The following GALNT13 variants were observed in gnomAD, a reference collection of about 807,000 sequenced individuals.
GALNT13 encodes UDP-GalNAc:polypeptide N-acetylgalactosaminyltransferase 13.
A neutral mutation model predicts 64.2 loss-of-function variants in GALNT13; 28 were observed. The ratio of observed to expected loss-of-function variants is 0.44; its 90% CI spans 0.32 to 0.60. The LOEUF (loss-of-function observed/expected upper bound fraction) is 0.60, where lower values mean the gene tolerates loss of function less well. Among genes scored for constraint, GALNT13 ranks in the 20% least tolerant of loss-of-function variants. The pLI, the probability that GALNT13 is intolerant of heterozygous loss-of-function variation, is 0.05. For missense variants in GALNT13, 577 were observed against 669.8 expected, an observed-to-expected ratio of 0.86 and a Z score of 1.53; for synonymous variants, 214 against 224.6, an observed-to-expected ratio of 0.95 and a Z score of 0.42.
At chr2:154,030,007 A>G (rs1029873053) in intron 3 of GALNT13, among the ~76,000 whole-genome samples, 11 of 152,178 alleles carry the variant, frequency 7.2e-5, no homozygotes, top group African/African-American at 2.4e-4. Flanking sequence ...GAGGTAGAAT[A>G]GTGTATTTGC....
chr2:154,252,171 G>A (rs954118478), intron 7 of GALNT13, among the ~76,000 whole-genome samples: 10 of 151,698 alleles, frequency 6.6e-5, no homozygotes, highest in Middle Eastern at 3.4e-3. Context: ...TTGATTATTT[G>A]CCAAGTAAGA....
At chr2:153,455,828 CTA>C in the GALNT13 span, among the ~76,000 whole-genome samples, 1 of 152,020 alleles carries the variant, frequency 6.6e-6, no homozygotes, top group African/African-American at 2.4e-5. Context: ...GAGCTCTTGC[CTA>C]GTGTCCAAAA....
the GALNT13 span, among the ~76,000 whole-genome samples, chr2:153,137,931 C>T: frequency 6.6e-6 from 1 of 151,962 alleles, no homozygotes; most frequent in Non-Finnish European, 1.5e-5. Context: ...TCAACCAAAC[C>T]TCCTTGATTC....
chr2:153,877,365 G>C (rs1279100754), intron 1 of GALNT13, among the ~76,000 whole-genome samples: 1 of 152,126 alleles, frequency 6.6e-6, no homozygotes, highest in Non-Finnish European at 1.5e-5. Context: ...TAGGAAGAGT[G>C]TGATTAATCT....
At chr2:153,091,760 A>G in the GALNT13 span, among the ~76,000 whole-genome samples, 1 of 152,154 alleles carries the variant, frequency 6.6e-6, no homozygotes, top group Admixed American at 6.6e-5. Flanking sequence ...TCAGATGGGT[A>G]GTTTGCAAAT....
At chr2:153,688,995 T>TGTGTGG in the GALNT13 span, among the ~76,000 whole-genome samples, 1 of 37,444 alleles carries the variant, frequency 2.7e-5, no homozygotes, top group African/African-American at 6.6e-5. Context: ...GGTAGGGGTG[T>TGTGTGG]GTGTGTGTGT....
chr2:153,597,828 A>G, the GALNT13 span, among the ~76,000 whole-genome samples: 1 of 152,110 alleles, frequency 6.6e-6, no homozygotes, highest in Admixed American at 6.6e-5. Flanking sequence ...GCCAATAGGC[A>G]CATGGAAAGA....
chr2:153,537,053 G>A, the GALNT13 span, among the ~76,000 whole-genome samples: 7 of 152,156 alleles, frequency 4.6e-5, no homozygotes, highest in African/African-American at 1.7e-4. Context: ...CAAAGGATTA[G>A]TAGGCTTTAG....
chr2:154,325,921 A>C (rs7576163), intron 9 of GALNT13, among the ~76,000 whole-genome samples: 17,556 of 152,098 alleles, frequency 0.12, 1,621 homozygotes, highest in East Asian at 0.5. Context: ...GGAACTTATT[A>C]GACCCACACT....
At chr2:153,276,286 A>C in the GALNT13 span, among the ~76,000 whole-genome samples, 126,231 of 152,038 alleles carry the variant, frequency 0.83, 53,653 homozygotes, top group African/African-American at 0.93. Flanking sequence ...TCATTTACTA[A>C]ATTTATCAAA....
At chr2:153,213,145 A>G in the GALNT13 span, among the ~76,000 whole-genome samples, 1 of 152,178 alleles carries the variant, frequency 6.6e-6, no homozygotes, top group African/African-American at 2.4e-5. Flanking sequence ...CCACATAAGA[A>G]CCCTGGAACT....
intron 9 of GALNT13, among the ~76,000 whole-genome samples, chr2:154,361,483 G>A (rs1374079499): frequency 6.6e-6 from 1 of 151,988 alleles, no homozygotes; most frequent in Non-Finnish European, 1.5e-5. Context: ...AGACTGTCCT[G>A]GATTGAAATC....
the GALNT13 span, among the ~76,000 whole-genome samples, chr2:153,733,706 G>A: frequency 2.0e-5 from 3 of 152,138 alleles, no homozygotes; most frequent in African/African-American, 7.2e-5. Context: ...AATGGTTATT[G>A]GCAGTAACGT....
chr2:153,473,039 T>TG, the GALNT13 span, among the ~76,000 whole-genome samples: 1 of 151,186 alleles, frequency 6.6e-6, no homozygotes, highest in Non-Finnish European at 1.5e-5. Flanking sequence ...TGTCGGCGGG[T>TG]GGGGGGCTAG....
chr2:154,384,451 C>G (rs537151473), intron 9 of GALNT13, among the ~76,000 whole-genome samples: 1 of 151,840 alleles, frequency 6.6e-6, no homozygotes, highest in South Asian at 2.1e-4. Context: ...CTAATTTAGA[C>G]TGCCATCAAT....
the GALNT13 span, among the ~76,000 whole-genome samples, chr2:153,490,908 C>T: frequency 3.4e-5 from 5 of 147,818 alleles, no homozygotes; most frequent in South Asian, 8.6e-4. Context: ...TGCAATGAGC[C>T]GAGATTGTGC....
intron 9 of GALNT13, among the ~76,000 whole-genome samples, chr2:154,329,514 G>C (rs150717174): frequency 1.3e-5 from 2 of 152,040 alleles, no homozygotes; most frequent in African/African-American, 4.8e-5. Flanking sequence ...TTGCCAGTTC[G>C]GTTTCTCTGG....
chr2:153,466,005 C>T, the GALNT13 span, among the ~76,000 whole-genome samples: 16 of 152,080 alleles, frequency 1.1e-4, no homozygotes, highest in Middle Eastern at 3.4e-3. Context: ...GCCCGGTGCC[C>T]GTTCTTTCTT....
chr2:153,406,780 C>T, the GALNT13 span, among the ~76,000 whole-genome samples: 1 of 152,034 alleles, frequency 6.6e-6, no homozygotes, highest in African/African-American at 2.4e-5. Flanking sequence ...AGTAGTTCGT[C>T]CAACAAGTGA....
Sources: gnomAD v4.1 joint callset for allele counts (sites outside exome capture counted in the v4.1 genomes callset) on GRCh38, gnomAD v4.1.1 for gene constraint, MANE v1.5 for transcripts, NCBI Gene and HGNC (gene_info 2026-07-23, HGNC 2026-07-21) for gene names.